DAP3: variants seen among roughly 807,000 people sequenced by gnomAD.
DAP3 encodes death associated protein 3.
A neutral mutation model predicts 51.9 loss-of-function variants in DAP3; 28 were observed. The ratio of observed to expected loss-of-function variants is 0.54; its 90% CI spans 0.40 to 0.74. The LOEUF is 0.74. DAP3 is among the 30% of genes least tolerant of loss of function. The pLI, the probability that DAP3 is intolerant of heterozygous loss-of-function variation, is 0.00. For missense variants in DAP3, 458 were observed against 483.5 expected (o/e 0.95, Z 0.49); for synonymous variants, 170 against 170.3 (o/e 1.00, Z 0.01).
intron 3 of DAP3, among the ~76,000 whole-genome samples, chr1:155,718,870 CTTT>C (rs966154809): frequency 2.6e-5 from 4 of 152,042 alleles, no homozygotes; most frequent in Admixed American, 6.6e-5. Context: ...AATTGCAGTC[CTTT>C]TATCTGCCAA....
chr1:155,734,843 A>G (rs753229419), intron 11 of DAP3, among the ~76,000 whole-genome samples: 5 of 152,218 alleles, frequency 3.3e-5, no homozygotes, highest in Non-Finnish European at 7.3e-5. Context: ...TGCTACCATC[A>G]CAGCAGTCAT....
chr1:155,726,784 CAAA>C (rs530179771), intron 6 of DAP3: 32 of 91,394 alleles, frequency 3.5e-4, no homozygotes, highest in East Asian at 4.1e-4. Flanking sequence ...GACCCTGTCT[CAAA>C]AAAAAAAAAA....
chr1:155,719,362 A>G (rs1657726194), intron 3 of DAP3, among the ~76,000 whole-genome samples: 1 of 151,260 alleles, frequency 6.6e-6, no homozygotes, highest in Admixed American at 6.6e-5. Context: ...CAGCCTCCCA[A>G]GTAGCTGTGA....
intron 4 of DAP3, among the ~76,000 whole-genome samples, chr1:155,723,478 G>A (rs1468787562): frequency 6.6e-6 from 1 of 152,074 alleles, no homozygotes; most frequent in Admixed American, 6.6e-5. Flanking sequence ...ACAGGTGCTC[G>A]CCACCACGCC....
rs573860467 is a variant in DAP3, at chr1:155,700,682, C to T, written c.-7-9091C>T. Among the ~76,000 whole-genome samples, 17 of 134,442 alleles carry T rather than the reference C, an allele frequency of 1.3e-4. No individual in the cohort carries two copies. In the South Asian group the frequency reaches 1.8e-3, roughly 14 times the overall value. The allele number at this position is 134,442 out of a possible 152,430, so 88.2% of individuals were successfully genotyped here. On this transcript the variant is annotated intron_variant, in intron 1 of 12. Transcript: ENST00000368336. ...CCTCAGCCCGGCCAGCCACCCCGTC[C>T]GGGAGGGAGATGGGGGGGTCAGCCC...
intron 1 of DAP3, among the ~76,000 whole-genome samples, chr1:155,692,557 A>G (rs1653978188): frequency 7.0e-6 from 1 of 142,106 alleles, no homozygotes; most frequent in South Asian, 2.1e-4. Flanking sequence ...AAGAGGATTT[A>G]TGTTTGAAAG....
intron 1 of DAP3, among the ~76,000 whole-genome samples, chr1:155,694,289 G>A (rs1224276029): frequency 7.1e-6 from 1 of 141,398 alleles, no homozygotes; most frequent in Non-Finnish European, 1.5e-5. Context: ...GGGCCCTTGA[G>A]TATCTGTAGG....
In DAP3 at chr1:155,729,136, C is replaced by T; in HGVS notation, c.684+14C>T. 1 of 1,614,084 alleles carries T rather than the reference C, an allele frequency of 6.2e-7. No homozygotes were observed. The highest frequency in any genetic ancestry group is 1.1e-5 in the South Asian group (1 of 91,088). ...GTGGTTGAACAGGTATAAGAAAAAA[C>T]ACTGAATGTGTAACATGCGATAACA... On this transcript the variant is annotated intron_variant, in intron 8 of 12. Transcript: ENST00000368336.
chr1:155,702,151 T>TTAA (rs754071937), intron 1 of DAP3, among the ~76,000 whole-genome samples: 1 of 101,704 alleles, frequency 9.8e-6, no homozygotes, highest in East Asian at 2.3e-4. Context: ...ATTCTGCCTA[T>TTAA]AAAAAAAAAA....
chr1:155,733,479 A>G (rs988409367), intron 11 of DAP3, among the ~76,000 whole-genome samples: 23 of 152,200 alleles, frequency 1.5e-4, no homozygotes, highest in Non-Finnish European at 3.4e-4. Flanking sequence ...TTTATTTAAT[A>G]GAATCTAAAT....
chr1:155,724,803 A>G (rs1319048476), intron 4 of DAP3, among the ~76,000 whole-genome samples: 2 of 152,030 alleles, frequency 1.3e-5, no homozygotes, highest in African/African-American at 2.4e-5. Flanking sequence ...CTAAAAATAC[A>G]AAATAGCCGG....
chr1:155,734,388 G>A (rs550113379), intron 11 of DAP3, among the ~76,000 whole-genome samples: 1 of 151,962 alleles, frequency 6.6e-6, no homozygotes, highest in South Asian at 2.1e-4. Context: ...TGTTGCCTAG[G>A]GTGGTCTTGA....
At chr1:155,689,252 T>A in intron 1 of DAP3, 78 bp downstream of exon 1, 1 of 675,088 alleles carries the variant, frequency 1.5e-6, no homozygotes, top group South Asian at 1.5e-5. Context: ...AGGTAGGGAG[T>A]GAGGCCGGTA....
intron 1 of DAP3, among the ~76,000 whole-genome samples, chr1:155,696,250 G>C (rs1654494166): frequency 1.3e-5 from 2 of 152,060 alleles, no homozygotes; most frequent in South Asian, 4.2e-4. Flanking sequence ...GAAAAGGCAA[G>C]ACTGAGTCAA....
intron 1 of DAP3, among the ~76,000 whole-genome samples, chr1:155,698,004 A>C (rs1654745097): frequency 6.6e-6 from 1 of 152,190 alleles, no homozygotes; most frequent in Admixed American, 6.5e-5. Flanking sequence ...GAAAGAAGAG[A>C]AATATGACTC....
chr1:155,688,266 C>G, upstream of DAP3: 1 of 1,598,954 alleles, frequency 6.3e-7, no homozygotes, highest in Non-Finnish European at 8.5e-7. Context: ...TGAGAGGAGG[C>G]GGATCCCGCA....
upstream of DAP3, chr1:155,688,456 T>G: frequency 1.3e-6 from 2 of 1,549,318 alleles, no homozygotes; most frequent in Non-Finnish European, 1.7e-6. Flanking sequence ...TTCGCCCGAC[T>G]CCGGCCATGT....
intron 12 of DAP3, among the ~76,000 whole-genome samples, chr1:155,737,459 T>C (rs142658233): frequency 0.014 from 2,189 of 152,282 alleles, 211 homozygotes; most frequent in Admixed American, 0.13. Flanking sequence ...AAGTAAATCT[T>C]TGCCACACCT....
At chr1:155,731,557 G>T in intron 10 of DAP3, 142 bp downstream of exon 10, 1 of 768,970 alleles carries the variant, frequency 1.3e-6, no homozygotes, top group Non-Finnish European at 2.1e-6. Context: ...TCCTGTATCT[G>T]TACCAAGTTA....
Sources: allele counts gnomAD v4.1 joint callset (sites outside exome capture counted in the v4.1 genomes callset), GRCh38; gene constraint gnomAD v4.1.1; transcripts MANE v1.5; gene names NCBI Gene and HGNC (gene_info 2026-07-23, HGNC 2026-07-21).